Variants in TRAF2 observed in about 807,000 individuals in gnomAD.
TRAF2 encodes the protein TNF receptor associated factor 2.
In TRAF2, 6 loss-of-function variants were observed where a neutral mutation model predicts 55.6. That is an observed-to-expected ratio of 0.11 (90% confidence interval 0.06 to 0.21). The LOEUF is 0.21. TRAF2 is among the 10% of genes least tolerant of loss of function. The probability of loss-of-function intolerance (pLI) is 1.00; values close to 1 mark genes in which losing one functional copy is unlikely to be tolerated. For missense variants in TRAF2, 561 were observed against 684.5 expected (o/e 0.82, Z 2.01); for synonymous variants, 329 against 276.3 (o/e 1.19, Z -1.89).
At chr9:136,920,685 T>C (rs1164593772) in intron 8 of TRAF2, among the ~76,000 whole-genome samples, 170 bp downstream of exon 8, 1 of 152,144 alleles carries the variant, frequency 6.6e-6, no homozygotes, top group South Asian at 2.1e-4. Context: ...CCCCCTTCAT[T>C]TCTGAGTCCT....
intron 1 of TRAF2, among the ~76,000 whole-genome samples, chr9:136,894,993 G>A (rs529954873): frequency 9.9e-5 from 15 of 152,186 alleles, no homozygotes; most frequent in Non-Finnish European, 1.9e-4. Flanking sequence ...TGTTTCTAAA[G>A]AAAAATGAAA....
At chr9:136,899,393 C>A (rs1800631) in intron 2 of TRAF2, among the ~76,000 whole-genome samples, 120,421 of 152,206 alleles carry the variant, frequency 0.79, 47,842 homozygotes, top group East Asian at 0.87. Context: ...GCCTTCCTCA[C>A]AAACGGAGTG....
At chr9:136,903,578 G>C (rs11145928) in intron 4 of TRAF2, among the ~76,000 whole-genome samples, 1 of 151,278 alleles carries the variant, frequency 6.6e-6, no homozygotes, top group Non-Finnish European at 1.5e-5. Context: ...GTGGGGAGAA[G>C]ACTGAGACAG....
At chr9:136,891,939 C>T (rs988498486) in intron 1 of TRAF2, among the ~76,000 whole-genome samples, 3 of 149,772 alleles carry the variant, frequency 2.0e-5, no homozygotes, top group Non-Finnish European at 4.5e-5. Flanking sequence ...AAGCTGGTCT[C>T]GATCACCACC....
chr9:136,910,047 A>T, intron 6 of TRAF2, 53 bp downstream of exon 6: 5 of 1,551,318 alleles, frequency 3.2e-6, no homozygotes, highest in African/African-American at 1.4e-5. Flanking sequence ...CATGTGTTGG[A>T]CGTGAGGGTC....
At chr9:136,898,376 C>T (rs1849734728) in intron 1 of TRAF2, 1 of 156,002 alleles carries the variant, frequency 6.4e-6, no homozygotes, top group Non-Finnish European at 1.4e-5. Flanking sequence ...TTAGTGTTAA[C>T]AGGAAGGCAG....
At chr9:136,907,041 C>T (rs1159866805) in intron 4 of TRAF2, among the ~76,000 whole-genome samples, 2 of 152,262 alleles carry the variant, frequency 1.3e-5, no homozygotes, top group African/African-American at 2.4e-5. Flanking sequence ...GGAAGCCCTG[C>T]CTGGGGCAGC....
chr9:136,884,916 T>C (rs535531258), upstream of TRAF2, among the ~76,000 whole-genome samples: 1 of 152,216 alleles, frequency 6.6e-6, no homozygotes, highest in Non-Finnish European at 1.5e-5. Context: ...GCCTCCCAGG[T>C]GCAGCCAGGA....
intron 4 of TRAF2, among the ~76,000 whole-genome samples, chr9:136,903,674 T>G (rs774296244): frequency 2.8e-4 from 42 of 151,630 alleles, no homozygotes; most frequent in Non-Finnish European, 4.0e-4. Flanking sequence ...GAAAGGTTTT[T>G]TTTGTTTGTT....
chr9:136,898,569 G>A, intron 1 of TRAF2, 144 bp from the exon 2 acceptor site: 1 of 1,448,376 alleles, frequency 6.9e-7, no homozygotes, highest in Admixed American at 2.5e-5. Flanking sequence ...CTGAAGCTCT[G>A]CGATTCTGCT....
chr9:136,918,227 T>TA (rs1850286424), intron 7 of TRAF2, among the ~76,000 whole-genome samples: 2 of 68,080 alleles, frequency 2.9e-5, no homozygotes, highest in African/African-American at 1.6e-4. Flanking sequence ...AGTGTTTTGT[T>TA]TATATATATA....
upstream of TRAF2, among the ~76,000 whole-genome samples, chr9:136,885,724 C>T (rs1226606902): frequency 2.0e-5 from 3 of 151,812 alleles, no homozygotes; most frequent in African/African-American, 7.3e-5. Flanking sequence ...GTCGAGATCG[C>T]GCCACTGAAC....
intron 1 of TRAF2, chr9:136,886,904 C>CCCGCACCCTGTCGCCCCT (rs1046036922): frequency 5.9e-5 from 9 of 152,420 alleles, no homozygotes; most frequent in African/African-American, 2.2e-4. Context: ...CCGTCGCTCC[C>CCCGCACCCTGTCGCCCCT]CCGCACCCTG....
chr9:136,921,114 A>T lies in TRAF2; in HGVS notation c.1037A>T (p.Glu346Val). Reference sequence around the variant, plus strand: ...TTGGAGCAGAAGGTCTTGGAGATGGAGGCATCCACCTACGATGGGGTCTTC... The same window carrying T: ...TTGGAGCAGAAGGTCTTGGAGATGGTGGCATCCACCTACGATGGGGTCTTC... ...ADLEQKVLEMEASTYDGVFIW... is the reference protein window; with the variant it reads ...ADLEQKVLEMVASTYDGVFIW... Residue 346 changes from glutamate (E) to valine (V), a missense_variant, in exon 9 of 11, where the codon GAG becomes GTG. Physicochemically the swap from Glu to Val is moderately radical, Grantham distance 121 (BLOSUM62 -2). Around this residue, in one of 2 missense-constraint regions of TRAF2, gnomAD observed 426 missense variants for 476.8 expected, o/e 0.89. Transcript: ENST00000247668. 1 of 1,614,060 alleles carries T rather than the reference A, an allele frequency of 6.2e-7. No individual in the cohort carries two copies. Among genetic ancestry groups the T allele is most frequent in the East Asian group, 2.2e-5 (1 of 44,890 alleles).
chr9:136,897,606 C>T (rs1193502308), intron 1 of TRAF2, among the ~76,000 whole-genome samples: 4 of 149,058 alleles, frequency 2.7e-5, no homozygotes, highest in South Asian at 2.1e-4. Context: ...GAGGGGAACC[C>T]GTGGTAGCTA....
Position 136,908,243 on chromosome 9 carries a change from G to A in TRAF2, c.528+12G>A. On this transcript the variant is annotated intron_variant, in intron 5 of 10. Coordinates refer to ENST00000247668, the MANE Select transcript of TRAF2 (RefSeq NM_021138.4). The stretch of plus-strand genomic sequence containing the variant: ...GAGCAGACGTGAAGGTGCGTGGGGT[G>A]GAGCAGCAGCCTGTGTGGCTGCAGC... 1 of 1,558,700 alleles carries A rather than the reference G, an allele frequency of 6.4e-7. No individual in the cohort carries two copies.
At position 136,925,997 on chromosome 9, in the gene TRAF2, G is replaced by A; in HGVS notation, c.*96G>A. 6.8e-7 allele frequency: 1 copy of A among 1,474,252 alleles called. No individual in the cohort carries two copies. Among genetic ancestry groups the A allele is most frequent in the Non-Finnish European group, 9.4e-7 (1 of 1,064,614 alleles). The allele number at this position is 1,474,252 out of a possible 1,614,324, so 91.3% of individuals were successfully genotyped here. Reference sequence around the variant, plus strand: ...GGGCCAGGGTCTCACTGTACAAGTGGGCAGGGGCCGCGCTTGGGCGCTTGG... The same window carrying A: ...GGGCCAGGGTCTCACTGTACAAGTGAGCAGGGGCCGCGCTTGGGCGCTTGG... On this transcript the variant is annotated 3_prime_UTR_variant, in exon 11 of 11. Transcript: ENST00000247668.
intron 10 of TRAF2, among the ~76,000 whole-genome samples, chr9:136,924,929 G>A (rs754326255): frequency 7.0e-4 from 107 of 152,174 alleles, no homozygotes; most frequent in Non-Finnish European, 1.0e-3. Context: ...AGTAGAGATG[G>A]GGTTTCTCCA....
chr9:136,924,573 C>T (rs922745032), intron 10 of TRAF2, among the ~76,000 whole-genome samples: 4 of 151,592 alleles, frequency 2.6e-5, no homozygotes, highest in Non-Finnish European at 5.9e-5. Flanking sequence ...AATAAATGAA[C>T]AAAAGGACAA....
Sources: gnomAD v4.1 joint callset for allele counts (sites outside exome capture counted in the v4.1 genomes callset) on GRCh38, gnomAD v4.1.1 for gene constraint, gnomAD v4.1.1 regional missense constraint, MANE v1.5 for transcripts, NCBI Gene and HGNC (gene_info 2026-07-23, HGNC 2026-07-21) for gene names.